USP49: variants seen among roughly 807,000 people sequenced by gnomAD.
USP49 encodes the protein ubiquitin carboxyl-terminal hydrolase 49.
A neutral mutation model predicts 58.6 loss-of-function variants in USP49; 24 were observed. The ratio of observed to expected loss-of-function variants is 0.41; its 90% CI spans 0.30 to 0.58. USP49 has a LOEUF of 0.58. Among genes scored for constraint, USP49 ranks in the 20% least tolerant of loss-of-function variants. The pLI is 0.30. For synonymous variants in USP49, 408 were observed against 365.1 expected, an observed-to-expected ratio of 1.12 and a Z score of -1.34; for missense variants, 703 against 866.1, an observed-to-expected ratio of 0.81 and a Z score of 2.36.
intron 3 of USP49, among the ~76,000 whole-genome samples, chr6:41,843,766 G>A (rs1773870400): frequency 6.6e-6 from 1 of 151,902 alleles, no homozygotes; most frequent in Non-Finnish European, 1.5e-5. Flanking sequence ...AAAATCGGCC[G>A]GGTGTGGTGG....
chr6:41,798,410 A>T, intron 7 of USP49: 1 of 432,226 alleles, frequency 2.3e-6, no homozygotes, highest in South Asian at 3.0e-5. Flanking sequence ...AGTACCTGGG[A>T]TTACCAGTGC....
At position 41,795,655 on chromosome 6, in the gene USP49, A is replaced by T. The variant is rs542832491; in HGVS notation, c.*878T>A. ...TTCAATAAGCCCTGGAGCATCAGCT[A>T]TCTCTGCCCACCCTCAATTGAGTTC... On this transcript the variant is annotated 3_prime_UTR_variant, in exon 8 of 8. Coordinates refer to ENST00000682992, the MANE Select transcript of USP49 (RefSeq NM_001286554.2). The T allele has an allele frequency of 2.0e-5, 3 of 152,238 alleles. No homozygotes were observed. Among genetic ancestry groups the T allele is most frequent in the Non-Finnish European group, 2.9e-5 (2 of 68,034 alleles). 9.4% of individuals were successfully genotyped at this position (152,238 alleles called of 1,614,324 possible).
At chr6:41,802,339 T>C (rs1773015820) in intron 5 of USP49, among the ~76,000 whole-genome samples, 1 of 151,230 alleles carries the variant, frequency 6.6e-6, no homozygotes, top group Non-Finnish European at 1.5e-5. Flanking sequence ...TGACTTTTGA[T>C]TTTTGTTCTG....
intron 2 of USP49, among the ~76,000 whole-genome samples, chr6:41,873,394 C>T (rs11965953): frequency 0.17 from 25,527 of 152,044 alleles, 2,226 homozygotes; most frequent in East Asian, 0.26. Flanking sequence ...ATCAGTGGCA[C>T]GAGGCCAGAA....
At chr6:41,835,326 T>C (rs1582011112) in intron 3 of USP49, among the ~76,000 whole-genome samples, 2 of 152,182 alleles carry the variant, frequency 1.3e-5, no homozygotes, top group African/African-American at 2.4e-5. Flanking sequence ...AATGCAGTCA[T>C]GAAAGCCAAT....
chr6:41,824,538 C>T (rs1206391457), intron 3 of USP49, among the ~76,000 whole-genome samples: 1 of 152,004 alleles, frequency 6.6e-6, no homozygotes, highest in East Asian at 1.9e-4. Context: ...TGGAGAAACC[C>T]CGTCTCTATT....
rs1373501022 is a variant in USP49 at position 41,891,864 on chromosome 6, C to T, written c.-173G>A. 1 of 152,126 alleles carries T rather than the reference C, an allele frequency of 6.6e-6. No individual in the cohort carries two copies. Among genetic ancestry groups the T allele is most frequent in the African/African-American group, 2.4e-5 (1 of 41,438 alleles). 9.4% of individuals were successfully genotyped at this position (152,126 alleles called of 1,614,324 possible). ...TAGAGGTCCTTTCAAGGTCTCTTCC[C>T]ATCCAAAGAATCTACGGTTAACCAG... On this transcript the variant is annotated 5_prime_UTR_variant, in exon 2 of 8. The change abolishes an upstream ATG in the 5' untranslated region. Transcript: ENST00000682992.
chr6:41,796,926 T>C (rs1391900587), intron 7 of USP49, among the ~76,000 whole-genome samples: 1 of 150,950 alleles, frequency 6.6e-6, no homozygotes, highest in Non-Finnish European at 1.5e-5. Context: ...CCCACGGTAC[T>C]GCTTATCGAC....
rs767987985 is a variant in USP49 at position 41,806,528 on chromosome 6, G to A, written c.456C>T (p.Ala152=). 3 of 1,599,764 alleles carry A rather than the reference G, an allele frequency of 1.9e-6. No homozygotes were observed. Among genetic ancestry groups the A allele is most frequent in the East Asian group, 4.5e-5 (2 of 44,866 alleles). The part of the protein sequence containing the change: ...ALWYRRQRLL[A]RTLRLWFEKS... Reference sequence around the variant, plus strand: ...TCTCGAACCACAGCCGCAGCGTCCTGGCCAGCAGGCGCTGACGCCGGTACC... The same window carrying A: ...TCTCGAACCACAGCCGCAGCGTCCTAGCCAGCAGGCGCTGACGCCGGTACC... Residue 152 remains alanine (A), a synonymous_variant, in exon 4 of 8, where the codon GCC becomes GCT. Transcript: ENST00000682992. This position sits in a 1 kb window ranked among gnomAD's most constrained non-coding sequence, Gnocchi z 5.9.
chr6:41,860,672 TA>T (rs921488841), intron 3 of USP49, among the ~76,000 whole-genome samples: 2 of 108,204 alleles, frequency 1.8e-5, no homozygotes, highest in Non-Finnish European at 4.0e-5. Flanking sequence ...CACACCCAGC[TA>T]ATTTTTTTTT....
chr6:41,846,572 G>C (rs1397539753), intron 3 of USP49, among the ~76,000 whole-genome samples: 2 of 152,208 alleles, frequency 1.3e-5, no homozygotes, highest in Non-Finnish European at 2.9e-5. Flanking sequence ...GAGCAAGAGT[G>C]TGTTTAGTGT....
At chr6:41,883,840 C>G (rs918770335) in intron 2 of USP49, among the ~76,000 whole-genome samples, 1 of 151,600 alleles carries the variant, frequency 6.6e-6, no homozygotes, top group Non-Finnish European at 1.5e-5. Flanking sequence ...TCAAACATGT[C>G]CACTCCTGGG....
At chr6:41,857,508 T>C (rs1774151286) in intron 3 of USP49, among the ~76,000 whole-genome samples, 1 of 152,150 alleles carries the variant, frequency 6.6e-6, no homozygotes, top group Admixed American at 6.6e-5. Flanking sequence ...TAGCCAGGCA[T>C]AGTGGTGCAT....
At chr6:41,809,783 C>T (rs777799521) in intron 3 of USP49, among the ~76,000 whole-genome samples, 25 of 151,462 alleles carry the variant, frequency 1.7e-4, no homozygotes, top group East Asian at 1.9e-4. Flanking sequence ...GCCGAGATTG[C>T]GCCACGGCAC....
chr6:41,855,202 G>A (rs1284147531), intron 3 of USP49, among the ~76,000 whole-genome samples: 1 of 150,136 alleles, frequency 6.7e-6, no homozygotes, highest in East Asian at 2.0e-4. Flanking sequence ...TTTTGGCATA[G>A]TACTGTTTCT....
chr6:41,833,551 C>T (rs1773673256), intron 3 of USP49, among the ~76,000 whole-genome samples: 1 of 152,144 alleles, frequency 6.6e-6, no homozygotes, highest in South Asian at 2.1e-4. Context: ...CTTCCATACT[C>T]GAACAATTTT....
chr6:41,807,595 C>A (rs1209657384), intron 3 of USP49, among the ~76,000 whole-genome samples: 1 of 152,004 alleles, frequency 6.6e-6, no homozygotes, highest in African/African-American at 2.4e-5. Flanking sequence ...CGCCACGCCA[C>A]CACACCCGGC....
Position 41,858,116 on chromosome 6 carries a change from C to A in USP49, c.-29+13448G>T, listed in dbSNP as rs1774161969. Among the ~76,000 whole-genome samples the A allele has an allele frequency of 3.3e-5, 5 of 152,102 alleles. No individual in the cohort carries two copies. The South Asian group carries it at 1.0e-3, about 32-fold the overall frequency. On this transcript the variant is annotated intron_variant, in intron 3 of 7. Coordinates refer to ENST00000682992, the MANE Select transcript of USP49 (RefSeq NM_001286554.2). ...ATCCATATTTAGCCTAGCATTGCTGCCCCATCATTCAGGTATCTTCCTGGC... is the reference window on the plus strand; with the variant it reads ...ATCCATATTTAGCCTAGCATTGCTGACCCATCATTCAGGTATCTTCCTGGC...
chr6:41,839,109 C>T (rs1773775570), intron 3 of USP49, among the ~76,000 whole-genome samples: 1 of 152,046 alleles, frequency 6.6e-6, no homozygotes, highest in South Asian at 2.1e-4. Context: ...ATGTCTACAT[C>T]AAAAAGTCTG....
Sources: allele counts gnomAD v4.1 joint callset (sites outside exome capture counted in the v4.1 genomes callset), GRCh38; gene constraint gnomAD v4.1.1; non-coding constraint Gnocchi (gnomAD v3.1); transcripts MANE v1.5; gene names NCBI Gene and HGNC (gene_info 2026-07-23, HGNC 2026-07-21).